The following PCDH7 variants were observed in gnomAD, a reference collection of about 807,000 sequenced individuals.
The protein encoded by PCDH7 is protocadherin 7.
Under a neutral mutation model 58.9 loss-of-function variants are expected in PCDH7, and 17 were observed. That is an observed-to-expected ratio of 0.29 (90% CI 0.20 to 0.43). The LOEUF is 0.43. PCDH7 is among the 20% of genes least tolerant of loss of function. The pLI, the probability that PCDH7 is intolerant of heterozygous loss-of-function variation, is 1.00. For synonymous variants in PCDH7, 664 were observed against 616.4 expected, an observed-to-expected ratio of 1.08 and a Z score of -1.14; for missense variants, 1,274 against 1,441.0, an observed-to-expected ratio of 0.88 and a Z score of 1.88.
intron 1 of PCDH7, among the ~76,000 whole-genome samples, chr4:30,826,876 C>G (rs1222644740): frequency 6.6e-6 from 1 of 152,112 alleles, no homozygotes; most frequent in African/African-American, 2.4e-5. Flanking sequence ...CTGGCGCACA[C>G]CACCATGCCC....
intron 3 of PCDH7, among the ~76,000 whole-genome samples, chr4:30,961,136 G>A (rs1467369518): frequency 1.3e-5 from 2 of 151,782 alleles, no homozygotes; most frequent in Non-Finnish European, 2.9e-5. Context: ...TTCTTTTATG[G>A]GAATGTGTGT....
intron 1 of PCDH7, among the ~76,000 whole-genome samples, chr4:30,916,820 C>A (rs1322092022): frequency 1.3e-5 from 2 of 152,122 alleles, no homozygotes; most frequent in Non-Finnish European, 2.9e-5. Flanking sequence ...CCTTTCTGTG[C>A]CTCTTCATCA....
intron 1 of PCDH7, among the ~76,000 whole-genome samples, chr4:30,837,022 T>A (rs2109335262): frequency 6.6e-6 from 1 of 152,296 alleles, no homozygotes; most frequent in South Asian, 2.1e-4. Context: ...TGGTTGTCAG[T>A]ATTTTTGAAA....
chr4:30,840,971 G>A (rs1441817639), intron 1 of PCDH7, among the ~76,000 whole-genome samples: 2 of 151,648 alleles, frequency 1.3e-5, no homozygotes, highest in Non-Finnish European at 2.9e-5. Context: ...CCAGTTTTTG[G>A]GAATTCCGAT....
intron 1 of PCDH7, among the ~76,000 whole-genome samples, chr4:30,765,125 C>CTTTTTTTTTTTTT (rs10692198): frequency 0.023 from 1,110 of 49,208 alleles, 318 homozygotes; most frequent in Middle Eastern, 0.059. Flanking sequence ...ACTTCAGATG[C>CTTTTTTTTTTTTT]TTTTTTTTTT....
Position 30,837,462 on chromosome 4 carries a change from G to A in PCDH7, c.71-82691G>A, listed in dbSNP as rs566377665. ...ACCACTTTATCTAGGAGAGTGTTGT[G>A]TCATTAAAAAAAAAAAATGGCATAC... On this transcript the variant is annotated intron_variant, in intron 1 of 3. Coordinates refer to the PCDH7 transcript ENST00000509759. 1.1e-4 allele frequency among the ~76,000 whole-genome samples: 16 copies of A among 148,924 alleles called. 1 individual carries two copies. In the East Asian group the frequency reaches 2.6e-3, roughly 24 times the overall value.
intron 1 of PCDH7, among the ~76,000 whole-genome samples, chr4:30,845,704 A>G (rs1002560808): frequency 6.6e-6 from 1 of 152,074 alleles, no homozygotes; most frequent in Non-Finnish European, 1.5e-5. Flanking sequence ...GACTCAAGCC[A>G]TCCTCACTCC....
chr4:31,056,458 G>GAAGGAAAGAAAGAAAGAAAGA lies in PCDH7; in HGVS notation c.*8-86012_*8-86011insGAAAGAAAGAAAGAAAGAAAG, dbSNP rs1553932369. On this transcript the variant is annotated intron_variant, in intron 3 of 3. Transcript: ENST00000509759. ...AGAAAGAAGGAAAGAAAGAAAGAAA[G>GAAGGAAAGAAAGAAAGAAAGA]AAGAAAGAAAGAAAGAAAGAAAGAA... Among the ~76,000 whole-genome samples the GAAGGAAAGAAAGAAAGAAAGA allele has an allele frequency of 7.3e-4, 61 of 83,222 alleles. 2 individuals carry two copies. The highest frequency in any genetic ancestry group is 4.0e-3 in the South Asian group (8 of 1,982). 54.6% of individuals were successfully genotyped at this position (83,222 alleles called of 152,430 possible).
At chr4:31,029,754 G>A (rs2109183833) in intron 3 of PCDH7, among the ~76,000 whole-genome samples, 2 of 152,232 alleles carry the variant, frequency 1.3e-5, no homozygotes, top group African/African-American at 2.4e-5. Context: ...CTCCAGGCAG[G>A]CAGATAGGCC....
intron 1 of PCDH7, among the ~76,000 whole-genome samples, chr4:30,836,024 T>C (rs1224082119): frequency 6.6e-6 from 1 of 152,216 alleles, no homozygotes; most frequent in Non-Finnish European, 1.5e-5. Context: ...CAGATACTTG[T>C]TGGACCAAAA....
intron 3 of PCDH7, among the ~76,000 whole-genome samples, chr4:30,978,327 G>A (rs997191333): frequency 1.3e-5 from 2 of 152,124 alleles, no homozygotes; most frequent in African/African-American, 2.4e-5. Flanking sequence ...TCATGATTAT[G>A]TCAGTCACTA....
At chr4:31,124,805 C>T (rs1235413345) in intron 3 of PCDH7, among the ~76,000 whole-genome samples, 1 of 152,148 alleles carries the variant, frequency 6.6e-6, no homozygotes, top group Non-Finnish European at 1.5e-5. Flanking sequence ...ATTAATATAT[C>T]CTACATAATC....
downstream of PCDH7, among the ~76,000 whole-genome samples, chr4:30,737,648 G>A (rs1424612368): frequency 1.3e-5 from 2 of 152,184 alleles, no homozygotes; most frequent in Non-Finnish European, 2.9e-5. Flanking sequence ...AGATCAAGGT[G>A]CATCAACCGA....
At chr4:30,766,868 T>C (rs1720818784) in intron 1 of PCDH7, among the ~76,000 whole-genome samples, 1 of 152,136 alleles carries the variant, frequency 6.6e-6, no homozygotes, top group Non-Finnish European at 1.5e-5. Context: ...TATTTTAGAA[T>C]TAATCACTGT....
At chr4:30,854,037 G>A (rs1164106639) in intron 1 of PCDH7, among the ~76,000 whole-genome samples, 3 of 151,674 alleles carry the variant, frequency 2.0e-5, no homozygotes, top group African/African-American at 7.3e-5. Context: ...TCTGTTCCAT[G>A]GTATATTTGG....
chr4:30,994,860 G>T (rs1355702048), intron 3 of PCDH7, among the ~76,000 whole-genome samples: 2 of 151,966 alleles, frequency 1.3e-5, no homozygotes, highest in Non-Finnish European at 2.9e-5. Context: ...ATAAAATCTG[G>T]GCTGTTTAAT....
At position 30,730,737 on chromosome 4, in the gene PCDH7, A is replaced by G. The variant is rs760930300; in HGVS notation, c.3175-16A>G. ...TTTTTTTTTACCTGCATAAATCTTTATTTTCCTTCTTTCAGATGCGTCTAC... is the reference window on the plus strand; with the variant it reads ...TTTTTTTTTACCTGCATAAATCTTTGTTTTCCTTCTTTCAGATGCGTCTAC... On this transcript the variant is annotated splice_polypyrimidine_tract_variant and intron_variant, in intron 1 of 1. Coordinates refer to ENST00000361762, the Ensembl canonical transcript of PCDH7. The G allele has an allele frequency of 3.2e-6, 5 of 1,571,424 alleles. No individual in the cohort carries two copies. The East Asian group carries it at 9.0e-5, about 28-fold the overall frequency.
At chr4:30,759,772 A>G (rs1719786588) in intron 1 of PCDH7, among the ~76,000 whole-genome samples, 1 of 152,156 alleles carries the variant, frequency 6.6e-6, no homozygotes, top group Non-Finnish European at 1.5e-5. Context: ...ATGAATTAAC[A>G]GTGGTTAAGT....
chr4:30,756,427 C>T (rs577932601), intron 1 of PCDH7, among the ~76,000 whole-genome samples: 14 of 152,092 alleles, frequency 9.2e-5, no homozygotes, highest in African/African-American at 3.1e-4. Context: ...GAAACTGAGA[C>T]AAATACAGAT....
Sources: gnomAD v4.1 joint callset for allele counts (sites outside exome capture counted in the v4.1 genomes callset) on GRCh38, gnomAD v4.1.1 for gene constraint, MANE v1.5 for transcripts, NCBI Gene and HGNC (gene_info 2026-07-23, HGNC 2026-07-21) for gene names.